Variants in UBE2R2 observed in about 807,000 individuals in gnomAD.
UBE2R2 encodes ubiquitin-conjugating enzyme E2 R2.
In UBE2R2, 1 loss-of-function variant was observed where a neutral mutation model predicts 27.8. The ratio of observed to expected loss-of-function variants is 0.04; its 90% CI spans 0.01 to 0.17. The LOEUF (loss-of-function observed/expected upper bound fraction) is 0.17, where lower values mean the gene tolerates loss of function less well. Among genes scored for constraint, UBE2R2 ranks in the 10% least tolerant of loss-of-function variants. The probability of loss-of-function intolerance (pLI) is 1.00; values close to 1 mark genes in which losing one functional copy is unlikely to be tolerated. For synonymous variants in UBE2R2, 106 were observed against 113.3 expected (o/e 0.94, Z 0.41); for missense variants, 100 against 291.0 (o/e 0.34, Z 4.78).
At chr9:33,877,461 C>G (rs1237349790) in intron 1 of UBE2R2, among the ~76,000 whole-genome samples, 6 of 151,774 alleles carry the variant, frequency 4.0e-5, no homozygotes, top group Admixed American at 2.0e-4. Context: ...GGATTACAAG[C>G]GTGATGAAGG....
Position 33,917,160 on chromosome 9 carries a change from G to C in UBE2R2, c.640G>C (p.Asp214His). 1 of 1,614,164 alleles carries C rather than the reference G, an allele frequency of 6.2e-7. No homozygotes were observed. Among genetic ancestry groups the C allele is most frequent in the Non-Finnish European group, 8.5e-7 (1 of 1,180,032 alleles). Residue 214 changes from aspartate to histidine, a missense_variant, in exon 5 of 5, where the codon GAC becomes CAC. This residue lies in a region of UBE2R2 where 55 missense variants were observed against 122.6 expected (regional missense o/e 0.45). Coordinates refer to ENST00000263228, the MANE Select transcript of UBE2R2 (RefSeq NM_017811.4). ...DLLYDDLYDDDIDDEDEEEED... is the reference protein window; with the variant it reads ...DLLYDDLYDDHIDDEDEEEED... ...GCTTTACGACGACTTGTATGATGAC[G>C]ACATTGATGATGAAGATGAGGAGGA...
chr9:33,912,273 G>GA (rs1564007415), intron 4 of UBE2R2, among the ~76,000 whole-genome samples, 175 bp downstream of exon 4: 1 of 152,072 alleles, frequency 6.6e-6, no homozygotes, highest in African/African-American at 2.4e-5. Context: ...GCTGTTTACC[G>GA]AGAGAACAGC....
At chr9:33,911,887 AC>A in intron 3 of UBE2R2, 76 bp from the exon 4 acceptor site, 1 of 1,355,334 alleles carries the variant, frequency 7.4e-7, no homozygotes, top group Non-Finnish European at 9.8e-7. Flanking sequence ...ATCTGATTGT[AC>A]TATCTTAAAA....
chr9:33,841,410 A>G (rs945556863), intron 1 of UBE2R2, among the ~76,000 whole-genome samples: 9 of 152,084 alleles, frequency 5.9e-5, no homozygotes, highest in Non-Finnish European at 1.3e-4. Context: ...AGCTTCTTCA[A>G]GTTGACTCCT....
At chr9:33,859,791 TGTGTGTGTGAGAGAGA>T (rs759901948) in intron 1 of UBE2R2, among the ~76,000 whole-genome samples, 1,431 of 109,892 alleles carry the variant, frequency 0.013, 15 homozygotes, top group South Asian at 0.029. Context: ...TGTGTGTGTG[TGTGTGTGTGAGAGAGA>T]GAGAGAGAGA....
intron 3 of UBE2R2, among the ~76,000 whole-genome samples, chr9:33,901,196 A>G (rs1822238104): frequency 6.6e-6 from 1 of 152,074 alleles, no homozygotes; most frequent in African/African-American, 2.4e-5. Flanking sequence ...TATTTTGTGC[A>G]ATGTCCCCCA....
At chr9:33,862,794 G>A (rs1020514374) in intron 1 of UBE2R2, among the ~76,000 whole-genome samples, 1 of 151,922 alleles carries the variant, frequency 6.6e-6, no homozygotes, top group African/African-American at 2.4e-5. Context: ...CCCATTTTGT[G>A]GTTTTGCCTT....
intron 1 of UBE2R2, among the ~76,000 whole-genome samples, chr9:33,838,045 G>A (rs943480552): frequency 1.3e-5 from 2 of 152,008 alleles, no homozygotes; most frequent in Non-Finnish European, 2.9e-5. Context: ...TCCATAGGGG[G>A]AGTTCCAAGG....
At chr9:33,895,995 A>G (rs1372206323) in intron 2 of UBE2R2, among the ~76,000 whole-genome samples, 1 of 151,088 alleles carries the variant, frequency 6.6e-6, no homozygotes, top group Non-Finnish European at 1.5e-5. Flanking sequence ...ATGGTCTCGA[A>G]CTCCTGGCCT....
chr9:33,878,185 A>G (rs1327688585), intron 1 of UBE2R2, among the ~76,000 whole-genome samples: 1 of 152,224 alleles, frequency 6.6e-6, no homozygotes, highest in Non-Finnish European at 1.5e-5. Flanking sequence ...TGGTGAGGAA[A>G]CTGAGATATA....
At chr9:33,905,167 A>T (rs1364657286) in intron 3 of UBE2R2, among the ~76,000 whole-genome samples, 1 of 152,208 alleles carries the variant, frequency 6.6e-6, no homozygotes, top group Non-Finnish European at 1.5e-5. Flanking sequence ...AGAGGCATAC[A>T]TAATGTTTTC....
At chr9:33,867,706 C>A (rs972988908) in intron 1 of UBE2R2, among the ~76,000 whole-genome samples, 1 of 152,218 alleles carries the variant, frequency 6.6e-6, no homozygotes, top group Non-Finnish European at 1.5e-5. Flanking sequence ...AAGTCTTTTG[C>A]TCACTGCAAG....
Position 33,916,952 on chromosome 9 carries a change from G to A in UBE2R2, c.498-66G>A, listed in dbSNP as rs1462598299. 29 of 1,579,494 alleles carry A rather than the reference G, an allele frequency of 1.8e-5. No individual in the cohort carries two copies. The South Asian group carries it at 3.2e-4, about 17-fold the overall frequency. On this transcript the variant is annotated intron_variant, in intron 4 of 4. Coordinates refer to ENST00000263228, the MANE Select transcript of UBE2R2 (RefSeq NM_017811.4). The stretch of plus-strand genomic sequence containing the variant: ...TCATAAGTAATATTGATTATTTAAG[G>A]CCAATTATAAATCTGTCTTAAAAAA...
intron 3 of UBE2R2, among the ~76,000 whole-genome samples, chr9:33,903,653 AT>A (rs1822293505): frequency 6.6e-6 from 1 of 152,224 alleles, no homozygotes; most frequent in Admixed American, 6.5e-5. Context: ...TTCTCATGTA[AT>A]CCAGTCTTTT....
chr9:33,905,513 A>G (rs1031152343), intron 3 of UBE2R2, among the ~76,000 whole-genome samples: 6 of 152,362 alleles, frequency 3.9e-5, no homozygotes, highest in Middle Eastern at 3.4e-3. Context: ...TAATTTGGGC[A>G]TTTAAAAACT....
chr9:33,824,104 T>C (rs945219456), intron 1 of UBE2R2, among the ~76,000 whole-genome samples: 1 of 152,220 alleles, frequency 6.6e-6, no homozygotes, highest in African/African-American at 2.4e-5. Context: ...AAACCAAATA[T>C]GATGCCTTAG....
chr9:33,860,543 CTTTATTTGT>C (rs1563991267), intron 1 of UBE2R2, among the ~76,000 whole-genome samples: 1 of 151,970 alleles, frequency 6.6e-6, no homozygotes, highest in African/African-American at 2.4e-5. Flanking sequence ...TTTTGTTTGA[CTTTATTTGT>C]TTTATTTGTT....
chr9:33,846,160 G>T (rs543810690), intron 1 of UBE2R2, among the ~76,000 whole-genome samples: 86 of 152,006 alleles, frequency 5.7e-4, no homozygotes, highest in Admixed American at 7.9e-4. Context: ...GCCAGGTGTG[G>T]TGGCACGAGC....
At chr9:33,860,072 G>T (rs1352280806) in intron 1 of UBE2R2, among the ~76,000 whole-genome samples, 1 of 151,144 alleles carries the variant, frequency 6.6e-6, no homozygotes, top group Admixed American at 6.6e-5. Flanking sequence ...CTCCCAATGT[G>T]CTGAGATTAC....
Sources: gnomAD v4.1 joint callset for allele counts (sites outside exome capture counted in the v4.1 genomes callset) on GRCh38, gnomAD v4.1.1 for gene constraint, gnomAD v4.1.1 regional missense constraint, MANE v1.5 for transcripts, NCBI Gene and HGNC (gene_info 2026-07-23, HGNC 2026-07-21) for gene names.